The following ZNF804B variants were observed in gnomAD, a reference collection of about 807,000 sequenced individuals.
ZNF804B encodes the protein zinc finger 804B.
Under a neutral mutation model 101.4 loss-of-function variants are expected in ZNF804B, and 80 were observed. The ratio of observed to expected loss-of-function variants is 0.79; its 90% confidence interval spans 0.66 to 0.95. The LOEUF (loss-of-function observed/expected upper bound fraction) is 0.95. Ranked by LOEUF, ZNF804B falls within the 40% of genes least tolerant of loss-of-function variation. The probability of loss-of-function intolerance (pLI) is 0.00; values close to 1 mark genes in which losing one functional copy is unlikely to be tolerated. For synonymous variants in ZNF804B, 622 were observed against 558.8 expected (o/e 1.11, Z -1.59); for missense variants, 1,673 against 1,561.9 (o/e 1.07, Z -1.20).
At chr7:89,105,537 A>G (rs893123987) in intron 1 of ZNF804B, among the ~76,000 whole-genome samples, 1 of 152,030 alleles carries the variant, frequency 6.6e-6, no homozygotes, top group Admixed American at 6.6e-5. Context: ...GGGCCAGTCC[A>G]GCAAATCCAA....
intron 1 of ZNF804B, among the ~76,000 whole-genome samples, chr7:89,092,026 C>CTG (rs1325778246): frequency 1.5e-4 from 23 of 152,096 alleles, no homozygotes; most frequent in Admixed American, 4.6e-4. Flanking sequence ...TAACAAAACA[C>CTG]TGTAGATTAA....
intron 2 of ZNF804B, among the ~76,000 whole-genome samples, chr7:89,291,099 A>T (rs560929098): frequency 6.6e-6 from 1 of 152,318 alleles, no homozygotes; most frequent in Admixed American, 6.5e-5. Context: ...CCTAATACAG[A>T]TACAGCTTAG....
At chr7:89,217,263 T>C (rs1788911679) in intron 1 of ZNF804B, among the ~76,000 whole-genome samples, 1 of 152,220 alleles carries the variant, frequency 6.6e-6, no homozygotes, top group Admixed American at 6.5e-5. Context: ...TTGAGAAGGT[T>C]GGCTTTAAAG....
In ZNF804B at chr7:88,766,564, T is replaced by G. The variant is rs1052753646; in HGVS notation, c.108+6480T>G. On this transcript the variant is annotated intron_variant, in intron 1 of 3. Transcript: ENST00000333190. ...TCTTTGGCTGGGAGGAAGAGACAAA[T>G]CTGTGGCTTAGCAAAGGGATAGGAA... Among the ~76,000 whole-genome samples, 6 of 152,170 alleles carry G rather than the reference T, an allele frequency of 3.9e-5. No individual in the cohort carries two copies. The East Asian group carries it at 7.7e-4, about 20-fold the overall frequency.
chr7:88,857,822 CTTTT>C (rs55841922), intron 1 of ZNF804B, among the ~76,000 whole-genome samples: 415 of 81,376 alleles, frequency 5.1e-3, no homozygotes, highest in South Asian at 0.017. Context: ...CCTTTCTTTT[CTTTT>C]TTTTTTTTTT....
At chr7:89,148,335 G>C (rs897204419) in intron 1 of ZNF804B, among the ~76,000 whole-genome samples, 8 of 151,984 alleles carry the variant, frequency 5.3e-5, no homozygotes, top group Non-Finnish European at 2.9e-5. Flanking sequence ...TTAGTTACTA[G>C]TGAAAGTGTT....
chr7:89,049,871 G>C (rs1417592597), intron 1 of ZNF804B, among the ~76,000 whole-genome samples: 1 of 152,060 alleles, frequency 6.6e-6, no homozygotes, highest in Admixed American at 6.6e-5. Flanking sequence ...AATTAGCCAT[G>C]CATGGTGGCA....
chr7:88,839,404 T>G (rs1791263795), intron 1 of ZNF804B, among the ~76,000 whole-genome samples: 1 of 151,992 alleles, frequency 6.6e-6, no homozygotes, highest in Non-Finnish European at 1.5e-5. Context: ...ACATAAGGTA[T>G]ACCTCCTAGT....
At chr7:89,331,495 T>A (rs1391285438) in intron 3 of ZNF804B, among the ~76,000 whole-genome samples, 2 of 151,722 alleles carry the variant, frequency 1.3e-5, no homozygotes, top group Admixed American at 6.6e-5. Flanking sequence ...AACTTTCCGT[T>A]ATGAAAGAGT....
At chr7:89,214,850 C>G (rs1388892250) in intron 1 of ZNF804B, among the ~76,000 whole-genome samples, 1 of 152,088 alleles carries the variant, frequency 6.6e-6, no homozygotes, top group Non-Finnish European at 1.5e-5. Context: ...ACTTAATAAA[C>G]AGTTGAATGA....
At chr7:88,848,762 T>C (rs1253495539) in intron 1 of ZNF804B, among the ~76,000 whole-genome samples, 1 of 151,648 alleles carries the variant, frequency 6.6e-6, no homozygotes, top group Non-Finnish European at 1.5e-5. Flanking sequence ...AATTATGTCA[T>C]AAAAATGGTG....
At chr7:89,185,626 C>T (rs938681482) in intron 1 of ZNF804B, among the ~76,000 whole-genome samples, 13 of 152,046 alleles carry the variant, frequency 8.6e-5, no homozygotes, top group African/African-American at 1.2e-4. Flanking sequence ...TTTGAAAGGA[C>T]GAGGCAGGTG....
intron 3 of ZNF804B, 63 bp downstream of exon 3, chr7:89,327,537 G>A (rs1790914075): frequency 8.3e-6 from 13 of 1,569,348 alleles, no homozygotes; most frequent in Non-Finnish European, 1.1e-5. Context: ...AAATTTTAAA[G>A]GCAAATCTAC....
chr7:89,021,225 A>T (rs1340600263), intron 1 of ZNF804B, among the ~76,000 whole-genome samples: 1 of 152,152 alleles, frequency 6.6e-6, no homozygotes, highest in East Asian at 1.9e-4. Context: ...CTTCAGCAGC[A>T]ATCCATTTTA....
At chr7:89,031,726 A>T (rs1213488448) in intron 1 of ZNF804B, among the ~76,000 whole-genome samples, 2 of 150,422 alleles carry the variant, frequency 1.3e-5, no homozygotes, top group East Asian at 3.9e-4. Context: ...TCCCTTTTTT[A>T]CAAACATGTA....
intron 1 of ZNF804B, among the ~76,000 whole-genome samples, chr7:88,939,646 A>T (rs990418367): frequency 3.3e-5 from 5 of 151,980 alleles, no homozygotes; most frequent in Non-Finnish European, 5.9e-5. Context: ...GATTAGAAAT[A>T]ATAAATCCAC....
At chr7:88,924,295 T>C (rs1792763890) in intron 1 of ZNF804B, among the ~76,000 whole-genome samples, 1 of 152,014 alleles carries the variant, frequency 6.6e-6, no homozygotes, top group Non-Finnish European at 1.5e-5. Flanking sequence ...TATCTAATTA[T>C]TATTTATATT....
intron 3 of ZNF804B, among the ~76,000 whole-genome samples, chr7:89,329,414 A>G (rs1444430504): frequency 6.6e-6 from 1 of 151,754 alleles, no homozygotes; most frequent in Non-Finnish European, 1.5e-5. Flanking sequence ...TTAAAAATAA[A>G]ATAAAAAGAA....
At chr7:89,172,688 T>C (rs895353847) in intron 1 of ZNF804B, among the ~76,000 whole-genome samples, 1 of 152,208 alleles carries the variant, frequency 6.6e-6, no homozygotes, top group African/African-American at 2.4e-5. Flanking sequence ...CCAGAGTTTA[T>C]TATGGTTAAG....
Sources: gnomAD v4.1 joint callset for allele counts (sites outside exome capture counted in the v4.1 genomes callset) on GRCh38, gnomAD v4.1.1 for gene constraint, MANE v1.5 for transcripts, NCBI Gene and HGNC (gene_info 2026-07-23, HGNC 2026-07-21) for gene names.